The following MROH1 variants were observed in gnomAD, a reference collection of about 807,000 sequenced individuals.
MROH1 encodes the protein maestro heat-like repeat-containing protein family member 1.
In MROH1, 117 loss-of-function variants were observed where a neutral mutation model predicts 116.5. That is an observed-to-expected ratio of 1.00 (90% CI 0.86 to 1.17). The LOEUF (loss-of-function observed/expected upper bound fraction) is 1.17, where lower values mean the gene tolerates loss of function less well. MROH1 is among the 50% of genes most tolerant of loss of function. The probability of loss-of-function intolerance (pLI) is 0.00; values close to 1 mark genes in which losing one functional copy is unlikely to be tolerated. For missense variants in MROH1, 1,873 were observed against 1,338.5 expected (o/e 1.40, Z -6.23); for synonymous variants, 921 against 583.9 (o/e 1.58, Z -8.32).
chr8:144,244,569 G>A (rs1167729256), intron 28 of MROH1, 30 bp downstream of exon 28: 1 of 730,342 alleles, frequency 1.4e-6, no homozygotes, highest in Non-Finnish European at 2.6e-6. Flanking sequence ...CATGGGGATG[G>A]GGATGGGGGC....
chr8:144,260,254 C>G lies in MROH1; in HGVS notation c.4260C>G (p.His1420Gln). Residue 1420 changes from histidine (H) to glutamine (Q), a missense_variant, in exon 39 of 44, where the codon CAC becomes CAG. Transcript: ENST00000326134. ...GGCTGGACGACGGGGACAACCCTCA[C>G]AGCCCAGTGGCCCTGGAGGCCATGC... ...IGGLDDGDNP[H>Q]SPVALEAMLG... 1.3e-6 allele frequency: 1 copy of G among 766,484 alleles called. No homozygotes were observed. The highest frequency in any genetic ancestry group is 2.4e-6 in the Non-Finnish European group (1 of 417,452). The allele number at this position is 766,484 out of a possible 1,614,324, so 47.5% of individuals were successfully genotyped here. A position where few individuals can be genotyped will look rare whatever the true frequency, so the allele number is the denominator to read the frequency against.
At chr8:144,222,311 G>A (rs1055872326) in intron 13 of MROH1, among the ~76,000 whole-genome samples, 1 of 152,156 alleles carries the variant, frequency 6.6e-6, no homozygotes, top group African/African-American at 2.4e-5. Flanking sequence ...GATGGAAGTG[G>A]ATGGAGGAGG....
chr8:144,175,310 G>A (rs577491246), intron 4 of MROH1, among the ~76,000 whole-genome samples: 186 of 148,450 alleles, frequency 1.3e-3, no homozygotes, highest in Middle Eastern at 7.0e-3. Flanking sequence ...GGGTCCAGTC[G>A]GATGGGTATA....
At chr8:144,183,524 G>A (rs1221137128) in intron 7 of MROH1, among the ~76,000 whole-genome samples, 1 of 151,830 alleles carries the variant, frequency 6.6e-6, no homozygotes, top group Non-Finnish European at 1.5e-5. Flanking sequence ...TGATCAATCA[G>A]AAGGAGAAAC....
chr8:144,148,304 G>A (rs1393623320), intron 1 of MROH1, among the ~76,000 whole-genome samples: 1 of 152,164 alleles, frequency 6.6e-6, no homozygotes, highest in African/African-American at 2.4e-5. Flanking sequence ...CCGGAGCTGT[G>A]CGGCTGTGCT....
At chr8:144,208,239 C>T (rs1397131171) in intron 12 of MROH1, among the ~76,000 whole-genome samples, 1 of 152,184 alleles carries the variant, frequency 6.6e-6, no homozygotes, top group African/African-American at 2.4e-5. Context: ...CCACCACACC[C>T]GGCCTGCAAG....
Position 144,168,346 on chromosome 8 carries a change from A to G in MROH1, c.74A>G (p.Gln25Arg), listed in dbSNP as rs775976714. The G allele has an allele frequency of 8.1e-6, 13 of 1,610,856 alleles. No homozygotes were observed. The highest frequency in any genetic ancestry group is 1.1e-5 in the Non-Finnish European group (13 of 1,179,670). The change falls in exon 4 of 44, where the codon CAG becomes CGG. Residue 25 changes from glutamine (Q) to arginine (R), a missense_variant. Gln to Arg is a conservative substitution (Grantham distance 43). Coordinates refer to ENST00000326134, the MANE Select transcript of MROH1 (RefSeq NM_032450.3). ...ATCACCGATAAGGACCCCCTGGTGCAGGAGCAGGTCTGCAGTGCCCTGTGC... is the reference window on the plus strand; with the variant it reads ...ATCACCGATAAGGACCCCCTGGTGCGGGAGCAGGTCTGCAGTGCCCTGTGC... ...DAITDKDPLV[Q>R]EQVCSALCSL...
chr8:144,243,706 G>T lies in MROH1; in HGVS notation c.2475+90G>T, dbSNP rs1386749770. On this transcript the variant is annotated intron_variant, in intron 25 of 43. Coordinates refer to ENST00000326134, the MANE Select transcript of MROH1 (RefSeq NM_032450.3). Reference sequence around the variant, plus strand: ...GGACTGGGGCACTGAGGGTGATAATGTGAAGACAGCCTGGGAACATGGGAG... The same window carrying T: ...GGACTGGGGCACTGAGGGTGATAATTTGAAGACAGCCTGGGAACATGGGAG... 5 of 768,986 alleles carry T rather than the reference G, an allele frequency of 6.5e-6. No individual in the cohort carries two copies. The Admixed American group carries it at 6.9e-5, about 11-fold the overall frequency. The allele number at this position is 768,986 out of a possible 1,614,324, so 47.6% of individuals were successfully genotyped here.
At chr8:144,221,425 CTGCACCCAGGTT>C (rs1236500231) in intron 13 of MROH1, among the ~76,000 whole-genome samples, 1 of 152,114 alleles carries the variant, frequency 6.6e-6, no homozygotes, top group Non-Finnish European at 1.5e-5. Context: ...AAAGTTAGGA[CTGCACCCAGGTT>C]TGCACCCAGG....
At position 144,216,181 on chromosome 8, in the gene MROH1, A is replaced by G. The variant is rs537434292; in HGVS notation, c.1142-4419A>G. Among the ~76,000 whole-genome samples, 8 of 151,842 alleles carry G rather than the reference A, an allele frequency of 5.3e-5. No individual in the cohort carries two copies. The East Asian group carries it at 1.6e-3, about 29-fold the overall frequency. Reference sequence around the variant, plus strand: ...GCAGCAAGAGTGAAACCCTGTCTCAAAAAAAACAAAGAGCCTGGCTCAGTG... The same window carrying G: ...GCAGCAAGAGTGAAACCCTGTCTCAGAAAAAACAAAGAGCCTGGCTCAGTG... On this transcript the variant is annotated intron_variant, in intron 12 of 43. Coordinates refer to ENST00000326134, the MANE Select transcript of MROH1 (RefSeq NM_032450.3).
intron 7 of MROH1, among the ~76,000 whole-genome samples, chr8:144,181,722 TG>T (rs973080150): frequency 2.6e-5 from 4 of 151,926 alleles, no homozygotes; most frequent in African/African-American, 9.7e-5. Flanking sequence ...GAAGTGGGTG[TG>T]GGTGTGGACT....
At chr8:144,192,788 C>A (rs1183925900) in intron 10 of MROH1, 1 of 366,596 alleles carries the variant, frequency 2.7e-6, no homozygotes, top group Non-Finnish European at 5.3e-6. Context: ...GGACGGGGGT[C>A]TTGAAGGCCC....
In MROH1 at chr8:144,260,749, G is replaced by A. The variant is rs1233208128; in HGVS notation, c.4453G>A (p.Glu1485Lys). The A allele has an allele frequency of 1.3e-6, 1 of 779,304 alleles. No homozygotes were observed. Among genetic ancestry groups the A allele is most frequent in the Non-Finnish European group, 2.4e-6 (1 of 417,790 alleles). 48.3% of individuals were successfully genotyped at this position (779,304 alleles called of 1,614,324 possible). Residue 1485 changes from glutamate to lysine, a missense_variant, in exon 40 of 44, where the codon GAG (glutamate) becomes AAG (lysine). Glu to Lys is a moderately conservative substitution (Grantham distance 56). Transcript: ENST00000326134. ...HLNKVCHGDCEDVFLDQVVGG... is the reference protein window; with the variant it reads ...HLNKVCHGDCKDVFLDQVVGG... ...TAACAAGGTCTGCCACGGAGACTGT[G>A]AGGACGTCTTCCTGGACCAGGTGGT...
intron 14 of MROH1, among the ~76,000 whole-genome samples, chr8:144,231,767 G>A (rs1275763972): frequency 6.6e-6 from 1 of 152,272 alleles, no homozygotes; most frequent in Admixed American, 6.5e-5. Context: ...TGAAAAAGGC[G>A]CCCGTAGACT....
Position 144,238,774 on chromosome 8 carries a change from G to C in MROH1, c.1357G>C (p.Gly453Arg). The change falls in exon 15 of 44, where the codon GGC becomes CGC. Residue 453 changes from glycine (G) to arginine (R), a missense_variant. Gly to Arg is a moderately radical substitution (Grantham distance 125). Transcript: ENST00000326134. ...PEQEPEKPGP[G>R]SKDPKADSVR... is the part of the protein sequence containing the mutation. The stretch of plus-strand genomic sequence containing the variant: ...CCTCCAGCCTGAGAAGCCAGGCCCC[G>C]GCAGCAAGGACCCCAAGGCCGACAG... 1.3e-6 allele frequency: 1 copy of C among 773,392 alleles called. No individual in the cohort carries two copies. The highest frequency in any genetic ancestry group is 2.4e-6 in the Non-Finnish European group (1 of 417,678). 47.9% of individuals were successfully genotyped at this position (773,392 alleles called of 1,614,324 possible). A position where few individuals can be genotyped will look rare whatever the true frequency, so the allele number is the denominator to read the frequency against.
At position 144,248,967 on chromosome 8, in the gene MROH1, C is replaced by T. The variant is rs1475298479; in HGVS notation, c.3211C>T (p.Arg1071Ter). Residue 1071 changes from arginine (R) to a stop codon, truncating the protein, a stop_gained, in exon 32 of 44, where the codon CGA becomes TGA. Transcript: ENST00000326134. LOFTEE classifies it high-confidence loss of function. ...ALGDPEKNCSRAATVMINCLL... is the reference protein window; with the variant it reads ...ALGDPEKNCS ...GGGAGACCCCGAAAAGAACTGCTCC[C>T]GAGCAGCTACCGTCATGATCAACTG... 5.4e-6 allele frequency: 4 copies of T among 742,794 alleles called. No homozygotes were observed. Among genetic ancestry groups the T allele is most frequent in the South Asian group, 1.4e-5 (1 of 69,442 alleles). The allele number at this position is 742,794 out of a possible 1,614,324, so 46.0% of individuals were successfully genotyped here. A position where few individuals can be genotyped will look rare whatever the true frequency, so the allele number is the denominator to read the frequency against.
intron 3 of MROH1, among the ~76,000 whole-genome samples, chr8:144,166,845 C>A (rs1180686405): frequency 6.6e-6 from 1 of 152,160 alleles, no homozygotes; most frequent in African/African-American, 2.4e-5. Flanking sequence ...ACGGCCACAG[C>A]CGGAAAAGCA....
chr8:144,188,449 ATTTTTTTTTTTTTTTTTT>A lies in MROH1; in HGVS notation c.563-2314_563-2297del, dbSNP rs573524223. Among the ~76,000 whole-genome samples the A allele has an allele frequency of 1.2e-3, 56 of 45,836 alleles. 2 individuals are homozygous for A. In the South Asian group the frequency reaches 0.048, roughly 39 times the overall value. 30.1% of individuals were successfully genotyped at this position (45,836 alleles called of 152,430 possible). ...CTGGGTCAGGTGCTACCACTGCCCAATTTTTTTTTTTTTTTTTTTTTTTTTTTTTTTTTTTTTTGAGAC... is the reference window on the plus strand; with the variant it reads ...CTGGGTCAGGTGCTACCACTGCCCAATTTTTTTTTTTTTTTTTTTTGAGAC... On this transcript the variant is annotated intron_variant, in intron 7 of 43. Coordinates refer to ENST00000326134, the MANE Select transcript of MROH1 (RefSeq NM_032450.3).
intron 4 of MROH1, among the ~76,000 whole-genome samples, chr8:144,170,990 C>T (rs1374510723): frequency 6.6e-6 from 1 of 152,232 alleles, no homozygotes; most frequent in Non-Finnish European, 1.5e-5. Context: ...TTACACCACG[C>T]AACAATCAAC....
Sources: gnomAD v4.1 joint callset for allele counts (sites outside exome capture counted in the v4.1 genomes callset) on GRCh38, gnomAD v4.1.1 for gene constraint, MANE v1.5 for transcripts, NCBI Gene and HGNC (gene_info 2026-07-23, HGNC 2026-07-21) for gene names.